KASH5: variants seen among roughly 807,000 people sequenced by gnomAD.
The protein encoded by KASH5 is KASH domain containing 5.
Under a neutral mutation model 84.2 loss-of-function variants are expected in KASH5, and 72 were observed. The ratio of observed to expected loss-of-function variants is 0.85; its 90% CI spans 0.71 to 1.04. KASH5 has a LOEUF of 1.04. KASH5 is among the 50% of genes least tolerant of loss of function. KASH5 has a pLI of 0.00. For synonymous variants in KASH5, 260 were observed against 279.1 expected, an observed-to-expected ratio of 0.93 and a Z score of 0.68; for missense variants, 650 against 701.0, an observed-to-expected ratio of 0.93 and a Z score of 0.82.
In KASH5 at chr19:49,390,775, G is replaced by T. The variant is rs1250852117; in HGVS notation, c.-95-14G>T. The stretch of plus-strand genomic sequence containing the variant: ...GGCTGCTCTGAGGACACCATTTCCT[G>T]CTTCTCCTTCCAGGAGTGCTCGGGC... On this transcript the variant is annotated splice_polypyrimidine_tract_variant and intron_variant, in intron 1 of 19. Coordinates refer to ENST00000447857, the MANE Select transcript of KASH5 (RefSeq NM_144688.5). The T allele has an allele frequency of 3.2e-5, 35 of 1,109,908 alleles. No homozygotes were observed. Among genetic ancestry groups the T allele is most frequent in the Non-Finnish European group, 4.1e-5 (33 of 805,794 alleles). 68.8% of individuals were successfully genotyped at this position (1,109,908 alleles called of 1,614,324 possible). A position where few individuals can be genotyped will look rare whatever the true frequency, so the allele number is the denominator to read the frequency against.
chr19:49,396,252 T>G (rs57255921), intron 5 of KASH5, among the ~76,000 whole-genome samples: 28,568 of 114,448 alleles, frequency 0.25, 4,048 homozygotes, highest in South Asian at 0.4. Context: ...ACTTTTTTTT[T>G]TTTTTTTTTT....
Position 49,395,191 on chromosome 19 carries a change from C to T in KASH5, c.234C>T (p.Ala78=), listed in dbSNP as rs773015319. 1.9e-6 allele frequency: 3 copies of T among 1,612,992 alleles called. No individual in the cohort carries two copies. The highest frequency in any genetic ancestry group is 2.5e-6 in the Non-Finnish European group (3 of 1,179,498). ...AGGATGCACGCCTCCAAACATTGGCCAACAGCCTGGACCCCAATGGGGAGG... is the reference window on the plus strand; with the variant it reads ...AGGATGCACGCCTCCAAACATTGGCTAACAGCCTGGACCCCAATGGGGAGG... ...GPQDARLQTL[A]NSLDPNGEGP... The change falls in exon 4 of 20, where the codon GCC becomes GCT. Residue 78 remains alanine, a synonymous_variant. Coordinates refer to ENST00000447857, the MANE Select transcript of KASH5 (RefSeq NM_144688.5). The surrounding 1 kb of genome is among the most constrained non-coding windows in gnomAD (Gnocchi z 4.4).
Position 49,417,496 on chromosome 19 carries a change from C to A in KASH5, c.1675C>A (p.Pro559Thr). 1 of 1,542,608 alleles carries A rather than the reference C, an allele frequency of 6.5e-7. No homozygotes were observed. Among genetic ancestry groups the A allele is most frequent in the Non-Finnish European group, 8.8e-7 (1 of 1,142,454 alleles). ...WPHLQLCYLQ[P>T]PPV Reference sequence around the variant, plus strand: ...CCACCTCCAGCTCTGCTACCTCCAGCCCCCTCCAGTGTGAGAGGCTCTACT... The same window carrying A: ...CCACCTCCAGCTCTGCTACCTCCAGACCCCTCCAGTGTGAGAGGCTCTACT... The change falls in exon 20 of 20, where the codon CCC (proline) becomes ACC (threonine). Residue 559 changes from proline (P) to threonine (T), a missense_variant. By Grantham distance (38) the Pro-to-Thr change is conservative. Transcript: ENST00000447857. The surrounding 1 kb of genome is among the most constrained non-coding windows in gnomAD (Gnocchi z 5.2).
At chr19:49,406,098 A>G (rs1448064311) in intron 9 of KASH5, among the ~76,000 whole-genome samples, 1 of 150,146 alleles carries the variant, frequency 6.7e-6, no homozygotes, top group Admixed American at 6.6e-5. Context: ...ATTGCATGCC[A>G]GCCTGGGCAA....
chr19:49,415,892 T>C (rs1974889927), intron 17 of KASH5, among the ~76,000 whole-genome samples: 1 of 152,210 alleles, frequency 6.6e-6, no homozygotes, highest in Non-Finnish European at 1.5e-5. Flanking sequence ...ATTATCATTG[T>C]CATTCATCAT....
chr19:49,388,933 C>T (rs1973902077), intron 1 of KASH5, among the ~76,000 whole-genome samples: 1 of 151,980 alleles, frequency 6.6e-6, no homozygotes. Flanking sequence ...CAAACCCAGT[C>T]GGACCTCAGA....
chr19:49,407,817 A>G (rs1203225864), intron 12 of KASH5, 146 bp downstream of exon 12: 2 of 767,106 alleles, frequency 2.6e-6, no homozygotes, highest in Admixed American at 2.0e-5. Flanking sequence ...GTATGACTGC[A>G]TGTCTCCCCC....
rs1389874751 is a variant in KASH5 at position 49,417,169 on chromosome 19, C to CG, written c.1453dup (p.Glu485GlyfsTer93). The CG allele has an allele frequency of 2.9e-5, 47 of 1,613,586 alleles. No homozygotes were observed. Among genetic ancestry groups the CG allele is most frequent in the Non-Finnish European group, 3.8e-5 (45 of 1,179,784 alleles). Reference sequence around the variant, plus strand: ...CCTTCACCCCAGCAGACCTGCGCGGCGGGAACTCCAGCAAGCCCTGGTGCC... The same window carrying CG: ...CCTTCACCCCAGCAGACCTGCGCGGCGGGGAACTCCAGCAAGCCCTGGTGCC... On this transcript the variant is annotated frameshift_variant, in exon 19 of 20. Transcript: ENST00000447857. LOFTEE classifies it high-confidence loss of function. This position sits in a 1 kb window ranked among gnomAD's most constrained non-coding sequence, Gnocchi z 5.2.
rs1055318158 is a variant in KASH5 at position 49,412,605 on chromosome 19, C to T, written c.1270-363C>T. Among the ~76,000 whole-genome samples the T allele has an allele frequency of 1.3e-5, 2 of 152,064 alleles. No individual in the cohort carries two copies. The highest frequency in any genetic ancestry group is 1.3e-4 in the Admixed American group (2 of 15,272). The stretch of plus-strand genomic sequence containing the variant: ...AGTCTGGGAACCTGGGATGAGAAGG[C>T]GGTTGGACAGGGAAATGCTGATCTC... On this transcript the variant is annotated intron_variant, in intron 15 of 19. Transcript: ENST00000447857. This position sits in a 1 kb window ranked among gnomAD's most constrained non-coding sequence, Gnocchi z 4.6.
chr19:49,402,604 G>T (rs987581445), intron 9 of KASH5, among the ~76,000 whole-genome samples: 1 of 152,104 alleles, frequency 6.6e-6, no homozygotes, highest in African/African-American at 2.4e-5. Flanking sequence ...CTACTTGAGA[G>T]GCTGAGGCAG....
intron 5 of KASH5, among the ~76,000 whole-genome samples, chr19:49,396,176 A>G (rs1974170201): frequency 1.4e-5 from 2 of 144,950 alleles, no homozygotes; most frequent in Non-Finnish European, 1.5e-5. Context: ...AATGTGCCCC[A>G]CTTCTGCCCA....
chr19:49,413,543 G>T (rs148132949), intron 16 of KASH5, among the ~76,000 whole-genome samples: 7 of 152,154 alleles, frequency 4.6e-5, no homozygotes, highest in African/African-American at 1.7e-4. Flanking sequence ...TCCCAGCTGC[G>T]GCTACTAATG....
rs934853362 is a variant in KASH5 at position 49,415,178 on chromosome 19, G to A, written c.1374+182G>A. 10 of 677,184 alleles carry A rather than the reference G, an allele frequency of 1.5e-5. No individual in the cohort carries two copies. In the African/African-American group the frequency reaches 1.6e-4, roughly 11 times the overall value. The allele number at this position is 677,184 out of a possible 1,614,324, so 41.9% of individuals were successfully genotyped here. On this transcript the variant is annotated intron_variant, in intron 17 of 19. Coordinates refer to ENST00000447857, the MANE Select transcript of KASH5 (RefSeq NM_144688.5). The stretch of plus-strand genomic sequence containing the variant: ...AGCTAATGAGAGCGATGGTGAGGTG[G>A]GGGGAGGCCTGGAGGCTAGTGGGCG...
chr19:49,403,955 C>G (rs1007905438), intron 9 of KASH5, among the ~76,000 whole-genome samples: 1 of 152,244 alleles, frequency 6.6e-6, no homozygotes, highest in Non-Finnish European at 1.5e-5. Flanking sequence ...CACTCAGACA[C>G]TGAAGATCCA....
At chr19:49,396,828 G>A (rs1478916581) in intron 5 of KASH5, among the ~76,000 whole-genome samples, 4 of 152,196 alleles carry the variant, frequency 2.6e-5, no homozygotes, top group Non-Finnish European at 5.9e-5. Context: ...GAAGGCCAAA[G>A]TGGAAAGAAC....
Position 49,417,553 on chromosome 19 carries a change from T to G in KASH5, c.*43T>G. The G allele has an allele frequency of 6.8e-7, 1 of 1,474,114 alleles. No individual in the cohort carries two copies. The highest frequency in any genetic ancestry group is 9.0e-7 in the Non-Finnish European group (1 of 1,106,796). 91.3% of individuals were successfully genotyped at this position (1,474,114 alleles called of 1,614,324 possible). On this transcript the variant is annotated 3_prime_UTR_variant, in exon 20 of 20. Coordinates refer to ENST00000447857, the MANE Select transcript of KASH5 (RefSeq NM_144688.5). This position sits in a 1 kb window ranked among gnomAD's most constrained non-coding sequence, Gnocchi z 5.2. Reference sequence around the variant, plus strand: ...TCAGAGCAGTGTCTAGCTCAATAAATCCCCTGGCCCTCTCTCCACTGGGAT... The same window carrying G: ...TCAGAGCAGTGTCTAGCTCAATAAAGCCCCTGGCCCTCTCTCCACTGGGAT...
chr19:49,415,859 G>A (rs1974888545), intron 17 of KASH5, among the ~76,000 whole-genome samples: 1 of 152,188 alleles, frequency 6.6e-6, no homozygotes, highest in Non-Finnish European at 1.5e-5. Flanking sequence ...ATTGTGATTG[G>A]TGTTCTGTTT....
Position 49,407,258 on chromosome 19 carries a change from G to A in KASH5, c.895G>A (p.Glu299Lys), listed in dbSNP as rs1358843768. 1 of 1,613,888 alleles carries A rather than the reference G, an allele frequency of 6.2e-7. No homozygotes were observed. The highest frequency in any genetic ancestry group is 1.1e-5 in the South Asian group (1 of 91,074). The change falls in exon 11 of 20, where the codon GAA (glutamate) becomes AAA (lysine). Residue 299 changes from glutamate (E) to lysine (K), a missense_variant. Coordinates refer to ENST00000447857, the MANE Select transcript of KASH5 (RefSeq NM_144688.5). ...TTGGCAGCGGCAGCTCTTTGAGTGT[G>A]AACACCTCATTTGCCAAAGAGACAC... ...DTLKRQLFECEHLICQRDTIL... is the reference protein window; with the variant it reads ...DTLKRQLFECKHLICQRDTIL...
At chr19:49,408,488 A>G (rs1325468338) in intron 12 of KASH5, among the ~76,000 whole-genome samples, 1 of 146,326 alleles carries the variant, frequency 6.8e-6, no homozygotes, top group Non-Finnish European at 1.5e-5. Flanking sequence ...TGGCTGTGTC[A>G]CCCAGGCTGG....
Sources: allele counts gnomAD v4.1 joint callset (sites outside exome capture counted in the v4.1 genomes callset), GRCh38; gene constraint gnomAD v4.1.1; non-coding constraint Gnocchi (gnomAD v3.1); transcripts MANE v1.5; gene names NCBI Gene and HGNC (gene_info 2026-07-23, HGNC 2026-07-21).